Variants in FKBP7 observed in about 807,000 individuals in gnomAD.
FKBP7 encodes peptidyl-prolyl cis-trans isomerase FKBP7.
A neutral mutation model predicts 24.3 loss-of-function variants in FKBP7; 24 were observed. The ratio of observed to expected loss-of-function variants is 0.99; its 90% CI spans 0.72 to 1.39. The LOEUF (loss-of-function observed/expected upper bound fraction) is 1.39. Ranked by LOEUF, FKBP7 falls within the 40% of genes most tolerant of loss-of-function variation. FKBP7 has a pLI of 0.00. For synonymous variants in FKBP7, 98 were observed against 92.8 expected, an observed-to-expected ratio of 1.06 and a Z score of -0.32; for missense variants, 257 against 269.5, an observed-to-expected ratio of 0.95 and a Z score of 0.33.
Position 178,477,201 on chromosome 2 carries a change from A to C in FKBP7, c.234T>G (p.Asn78Lys), listed in dbSNP as rs756204209. The C allele has an allele frequency of 3.7e-6, 6 of 1,610,344 alleles. No individual in the cohort carries two copies. The Admixed American group carries it at 1.0e-4, about 27-fold the overall frequency. ...GSKFYCSRTQ[N>K]EGHPKWFVLG... ...GAACAAACCATTTGGGGTGGCCTTC[A>C]TTTTGTGTCCGGCTATAACAAAAAG... The change falls in exon 2 of 4, where the codon AAT (asparagine) becomes AAG (lysine). Residue 78 changes from asparagine to lysine, a missense_variant. Physicochemically the swap from Asn to Lys is moderately conservative, Grantham distance 94. Coordinates refer to ENST00000424785, the MANE Select transcript of FKBP7 (RefSeq NM_181342.3).
intron 2 of FKBP7, among the ~76,000 whole-genome samples, chr2:178,475,324 G>C (rs1225321412): frequency 6.6e-6 from 1 of 152,084 alleles, no homozygotes; most frequent in Non-Finnish European, 1.5e-5. Flanking sequence ...CTGCCTCCCA[G>C]GTTCGAGCGA....
At chr2:178,472,851 CAAAA>C (rs71674220) in intron 2 of FKBP7, among the ~76,000 whole-genome samples, 996 of 62,474 alleles carry the variant, frequency 0.016, 1 homozygote, top group Non-Finnish European at 0.021. Flanking sequence ...GACTCCATCT[CAAAA>C]AAAAAAAAAA....
Position 178,464,826 on chromosome 2 carries a change from ATCC to A in FKBP7, c.*941_*943del, listed in dbSNP as rs1419541250. ...ACACAAAATTGCCATGGCACTGTATATCCTCCTTTGTTTGGCACATTTATCAAA... is the reference window on the plus strand; with the variant it reads ...ACACAAAATTGCCATGGCACTGTATATCCTTTGTTTGGCACATTTATCAAA... On this transcript the variant is annotated 3_prime_UTR_variant, in exon 4 of 4. Transcript: ENST00000424785. The A allele has an allele frequency of 6.6e-6, 1 of 152,222 alleles. No homozygotes were observed. Among genetic ancestry groups the A allele is most frequent in the Non-Finnish European group, 1.5e-5 (1 of 68,046 alleles). 9.4% of individuals were successfully genotyped at this position (152,222 alleles called of 1,614,324 possible).
At chr2:178,471,210 GA>G (rs1684840148) in intron 2 of FKBP7, among the ~76,000 whole-genome samples, 1 of 148,320 alleles carries the variant, frequency 6.7e-6, no homozygotes, top group Non-Finnish European at 1.5e-5. Flanking sequence ...TGATGTCACA[GA>G]TTTTTTTTTT....
intron 2 of FKBP7, among the ~76,000 whole-genome samples, 171 bp from the exon 3 acceptor site, chr2:178,469,956 A>G (rs534197470): frequency 4.4e-4 from 66 of 151,230 alleles, no homozygotes; most frequent in Non-Finnish European, 9.0e-4. Context: ...GCTTTTCAAT[A>G]GTTTTCTTTT....
chr2:178,477,766 A>G (rs909093376), intron 1 of FKBP7, among the ~76,000 whole-genome samples: 3 of 152,148 alleles, frequency 2.0e-5, no homozygotes, highest in Non-Finnish European at 2.9e-5. Context: ...CCTCTGAGTA[A>G]TAAGCCATCA....
chr2:178,467,509 C>A (rs1684705827), intron 3 of FKBP7, among the ~76,000 whole-genome samples: 2 of 152,014 alleles, frequency 1.3e-5, no homozygotes, highest in African/African-American at 2.4e-5. Context: ...TGCAAATTAA[C>A]CTCTCTGAAC....
In FKBP7 at chr2:178,465,812, A is replaced by C; in HGVS notation, c.627T>G (p.Ile209Met). The change falls in exon 4 of 4, where the codon ATT becomes ATG. Residue 209 changes from isoleucine to methionine, a missense_variant. By Grantham distance (10) the Ile-to-Met change is conservative. Coordinates refer to ENST00000424785, the MANE Select transcript of FKBP7 (RefSeq NM_181342.3). ...KKNDHDGDGF[I>M]SPKEYNVYQH... ...GGTATACATTGTATTCCTTGGGAGA[A>C]ATGAAGCCATCACCATCATGGTCAT... is the stretch of plus-strand genomic sequence containing the variant. The C allele has an allele frequency of 6.2e-7, 1 of 1,610,450 alleles. No individual in the cohort carries two copies. Among genetic ancestry groups the C allele is most frequent in the Non-Finnish European group, 8.5e-7 (1 of 1,178,514 alleles).
intron 2 of FKBP7, chr2:178,472,986 C>G (rs1684896545): frequency 1.3e-6 from 1 of 790,764 alleles, no homozygotes; most frequent in Non-Finnish European, 1.9e-6. Context: ...TTTAGAGAAG[C>G]AGATCAAAGA....
rs6704545 is a variant in FKBP7, at chr2:178,477,226, G to A, written c.222-13C>T. 0.24 allele frequency: 380,349 copies of A among 1,601,902 alleles called. 55,799 individuals carry two copies. Among genetic ancestry groups the A allele is most frequent in the East Asian group, 0.66 (29,658 of 44,716 alleles). On this transcript the variant is annotated splice_polypyrimidine_tract_variant and intron_variant, in intron 1 of 3. Coordinates refer to ENST00000424785, the MANE Select transcript of FKBP7 (RefSeq NM_181342.3). The stretch of plus-strand genomic sequence containing the variant: ...ATTTTGTGTCCGGCTATAACAAAAA[G>A]CAATACTTAAGTAAACTGATTTCAA...
chr2:178,475,123 A>C (rs1684964229), intron 2 of FKBP7, among the ~76,000 whole-genome samples: 1 of 152,186 alleles, frequency 6.6e-6, no homozygotes, highest in Admixed American at 6.5e-5. Context: ...GGTGGTTTCC[A>C]ACCTTTTGCC....
In FKBP7 at chr2:178,477,098, T is replaced by A; in HGVS notation, c.337A>T (p.Ile113Leu). The change falls in exon 2 of 4, where the codon ATA (isoleucine) becomes TTA (leucine). Residue 113 changes from isoleucine (I) to leucine (L), a missense_variant. Coordinates refer to ENST00000424785, the MANE Select transcript of FKBP7 (RefSeq NM_181342.3). The stretch of plus-strand genomic sequence containing the variant: ...TTTCCGTATGCAAATGAAGGGGGTA[T>A]AACTACTTTTCGCTTTTCTCCAGGG... ...MCPGEKRKVV[I>L]PPSFAYGKEG... 1 of 1,612,804 alleles carries A rather than the reference T, an allele frequency of 6.2e-7. No individual in the cohort carries two copies. Among genetic ancestry groups the A allele is most frequent in the Non-Finnish European group, 8.5e-7 (1 of 1,179,528 alleles).
At chr2:178,472,112 T>C (rs868201610) in intron 2 of FKBP7, among the ~76,000 whole-genome samples, 1 of 151,734 alleles carries the variant, frequency 6.6e-6, no homozygotes, top group African/African-American at 2.4e-5. Context: ...ATCTGTTCTG[T>C]TGCCCAGGCT....
chr2:178,471,874 G>A (rs945877382), intron 2 of FKBP7, among the ~76,000 whole-genome samples: 3 of 152,154 alleles, frequency 2.0e-5, no homozygotes, highest in Non-Finnish European at 4.4e-5. Flanking sequence ...ATCTACCCAT[G>A]CATCATATGA....
rs1266204206 is a variant in FKBP7 at position 178,465,084 on chromosome 2, A to G, written c.*686T>C. 1.3e-5 allele frequency: 2 copies of G among 152,220 alleles called. No individual in the cohort carries two copies. Among genetic ancestry groups the G allele is most frequent in the Non-Finnish European group, 2.9e-5 (2 of 68,026 alleles). 9.4% of individuals were successfully genotyped at this position (152,220 alleles called of 1,614,324 possible). A position where few individuals can be genotyped will look rare whatever the true frequency, so the allele number is the denominator to read the frequency against. ...TTACAATAATGTCTGAAGGAATACAAAAGCCAGGCAGTACAGTCTTTATGC... is the reference window on the plus strand; with the variant it reads ...TTACAATAATGTCTGAAGGAATACAGAAGCCAGGCAGTACAGTCTTTATGC... On this transcript the variant is annotated 3_prime_UTR_variant, in exon 4 of 4. Transcript: ENST00000424785.
chr2:178,473,209 A>G (rs1281979426), intron 2 of FKBP7: 7 of 645,986 alleles, frequency 1.1e-5, no homozygotes, highest in Non-Finnish European at 1.8e-5. Flanking sequence ...TATTTAATCA[A>G]GAGGTTGTTT....
rs1158294361 is a variant in FKBP7 at position 178,478,283 on chromosome 2, A to C, written c.217T>G (p.Cys73Gly). The C allele has an allele frequency of 2.5e-6, 4 of 1,613,976 alleles. No homozygotes were observed. Among genetic ancestry groups the C allele is most frequent in the Non-Finnish European group, 3.4e-6 (4 of 1,180,014 alleles). Residue 73 changes from cysteine (C) to glycine (G), a missense_variant, in exon 1 of 4, where the codon TGC becomes GGC. Cys to Gly is a radical substitution (Grantham distance 159). Coordinates refer to ENST00000424785, the MANE Select transcript of FKBP7 (RefSeq NM_181342.3). ...YLAKDGSKFY[C>G]SRTQNEGHPK... The stretch of plus-strand genomic sequence containing the variant: ...GCAGCTCGCAGCATTTCCTACCTGC[A>C]GTAGAATTTCGAGCCGTCTTTAGCC...
chr2:178,475,203 G>A (rs1684966187), intron 2 of FKBP7, among the ~76,000 whole-genome samples: 2 of 152,000 alleles, frequency 1.3e-5, no homozygotes, highest in South Asian at 4.2e-4. Context: ...TCCTGGAAAT[G>A]GAACTATTGG....
intron 2 of FKBP7, 64 bp downstream of exon 2, chr2:178,476,998 C>T (rs1685027927): frequency 8.1e-7 from 1 of 1,230,384 alleles, no homozygotes. Context: ...ACCTATATAC[C>T]CAGAAATCTA....
Sources: gnomAD v4.1 joint callset for allele counts (sites outside exome capture counted in the v4.1 genomes callset) on GRCh38, gnomAD v4.1.1 for gene constraint, MANE v1.5 for transcripts, NCBI Gene and HGNC (gene_info 2026-07-23, HGNC 2026-07-21) for gene names.